SLC15A5: variants seen among roughly 807,000 people sequenced by gnomAD.
SLC15A5 encodes the protein Peptide/histidine transporter ENSP00000340402.
Under a neutral mutation model 56.1 loss-of-function variants are expected in SLC15A5, and 58 were observed. The observed-to-expected ratio is 1.03, with a 90% confidence interval of 0.84 to 1.29. SLC15A5 has a LOEUF of 1.29. Among genes scored for constraint, SLC15A5 ranks in the 50% most tolerant of loss-of-function variants. The probability of loss-of-function intolerance (pLI) is 0.00; values close to 1 mark genes in which losing one functional copy is unlikely to be tolerated. For missense variants in SLC15A5, 681 were observed against 672.1 expected (o/e 1.01, Z -0.15); for synonymous variants, 264 against 250.5 (o/e 1.05, Z -0.51).
chr12:16,239,527 C>A (rs896716296), intron 5 of SLC15A5, among the ~76,000 whole-genome samples, 154 bp downstream of exon 5: 2 of 152,124 alleles, frequency 1.3e-5, no homozygotes, highest in African/African-American at 4.8e-5. Context: ...CTAGAGATTT[C>A]GGAAGATGGG....
chr12:16,256,617 T>C (rs966726264), intron 3 of SLC15A5, among the ~76,000 whole-genome samples: 1 of 152,056 alleles, frequency 6.6e-6, no homozygotes, highest in African/African-American at 2.4e-5. Context: ...CCCAGCACTT[T>C]GGGAGGCTGA....
chr12:16,212,208 C>T (rs774951959), intron 7 of SLC15A5, among the ~76,000 whole-genome samples: 6 of 152,066 alleles, frequency 3.9e-5, no homozygotes, highest in Admixed American at 1.3e-4. Flanking sequence ...ACCATTATAA[C>T]GTATGACAAT....
chr12:16,250,400 T>C (rs1411733216), intron 3 of SLC15A5, among the ~76,000 whole-genome samples: 2 of 152,046 alleles, frequency 1.3e-5, no homozygotes, highest in African/African-American at 2.4e-5. Context: ...TGTAGGTATA[T>C]GATAAAAATA....
At chr12:16,195,210 TCTCTGCCTCTGTCTCTGTCCCTGC>T (rs1863882051) in intron 7 of SLC15A5, among the ~76,000 whole-genome samples, 1 of 152,052 alleles carries the variant, frequency 6.6e-6, no homozygotes, top group Non-Finnish European at 1.5e-5. Context: ...TCTATCTCTG[TCTCTGCCTCTGTCTCTGTCCCTGC>T]CTCTGCCTCT....
chr12:16,225,687 G>A (rs1441256476), intron 5 of SLC15A5, among the ~76,000 whole-genome samples: 1 of 152,106 alleles, frequency 6.6e-6, no homozygotes, highest in Non-Finnish European at 1.5e-5. Flanking sequence ...GCAGCCAACA[G>A]ACACATGAAA....
chr12:16,250,500 GA>G (rs1864509222), intron 3 of SLC15A5, among the ~76,000 whole-genome samples: 1 of 151,914 alleles, frequency 6.6e-6, no homozygotes, highest in Non-Finnish European at 1.5e-5. Context: ...AGCAGGAAAA[GA>G]AAAATATGTT....
At chr12:16,257,642 G>T in intron 3 of SLC15A5, 59 bp downstream of exon 3, 2 of 1,237,878 alleles carry the variant, frequency 1.6e-6, no homozygotes, top group Non-Finnish European at 1.0e-6. Context: ...AAAGAGAAAG[G>T]ATATCTGTCA....
At chr12:16,276,001 C>T (rs1425109371) in intron 1 of SLC15A5, among the ~76,000 whole-genome samples, 3 of 151,962 alleles carry the variant, frequency 2.0e-5, no homozygotes, top group Non-Finnish European at 4.4e-5. Flanking sequence ...TGCCACATGA[C>T]ATCATATCTA....
chr12:16,236,819 C>T (rs1864356415), intron 5 of SLC15A5, among the ~76,000 whole-genome samples: 2 of 152,160 alleles, frequency 1.3e-5, no homozygotes, highest in African/African-American at 4.8e-5. Context: ...TTTCATGGCA[C>T]TAACTGGAAA....
At position 16,272,799 on chromosome 12, in the gene SLC15A5, A is replaced by G. The variant is rs1591663774; in HGVS notation, c.362-16T>C. 3 of 1,530,958 alleles carry G rather than the reference A, an allele frequency of 2.0e-6. No individual in the cohort carries two copies. The highest frequency in any genetic ancestry group is 1.8e-6 in the Non-Finnish European group (2 of 1,141,364). 94.8% of individuals were successfully genotyped at this position (1,530,958 alleles called of 1,614,324 possible). On this transcript the variant is annotated splice_polypyrimidine_tract_variant and intron_variant, in intron 1 of 8. Coordinates refer to ENST00000344941, the MANE Select transcript of SLC15A5 (RefSeq NM_001170798.1). ...AAAGCAGTGCCTGTAGGTGGAGAAA[A>G]AAAAAGAGTAAATGTAGCATAGAAC...
intron 5 of SLC15A5, among the ~76,000 whole-genome samples, chr12:16,238,648 T>A (rs373374130): frequency 0.011 from 998 of 93,508 alleles, 3 homozygotes; most frequent in Middle Eastern, 0.017. Context: ...AAAAAAAAAA[T>A]AAGAACAGGT....
Position 16,216,878 on chromosome 12 carries a change from C to T in SLC15A5, c.1483+15G>A, listed in dbSNP as rs1205220196. The T allele has an allele frequency of 7.2e-6, 11 of 1,532,394 alleles. No individual in the cohort carries two copies. Among genetic ancestry groups the T allele is most frequent in the South Asian group, 2.4e-5 (2 of 83,052 alleles). The allele number at this position is 1,532,394 out of a possible 1,614,324, so 94.9% of individuals were successfully genotyped here. On this transcript the variant is annotated intron_variant, in intron 7 of 8. Coordinates refer to ENST00000344941, the MANE Select transcript of SLC15A5 (RefSeq NM_001170798.1). ...CAACTCAATGTATATAAGCATGCCA[C>T]GAACCTATTTTTACCATCTGAGATG...
chr12:16,271,822 T>A lies in SLC15A5; in HGVS notation c.584+739A>T, dbSNP rs1242408695. On this transcript the variant is annotated intron_variant, in intron 2 of 8. Coordinates refer to ENST00000344941, the MANE Select transcript of SLC15A5 (RefSeq NM_001170798.1). The surrounding 1 kb of genome is among the most constrained non-coding windows in gnomAD (Gnocchi z 8.0). ...TTTGTATTTGGTAATATAAATTGTT[T>A]CCTTAAAAAACACAAAAACCGACGA... Among the ~76,000 whole-genome samples the A allele has an allele frequency of 6.6e-6, 1 of 152,124 alleles. No homozygotes were observed. The highest frequency in any genetic ancestry group is 1.5e-5 in the Non-Finnish European group (1 of 68,004).
intron 2 of SLC15A5, among the ~76,000 whole-genome samples, chr12:16,264,216 G>T (rs2136815497): frequency 1.3e-5 from 2 of 152,314 alleles, no homozygotes; most frequent in East Asian, 3.9e-4. Flanking sequence ...CCCACCTCTT[G>T]CATTAGCATG....
At chr12:16,225,732 A>G (rs551937910) in intron 5 of SLC15A5, among the ~76,000 whole-genome samples, 182 of 152,354 alleles carry the variant, frequency 1.2e-3, no homozygotes, top group Non-Finnish European at 2.3e-3. Flanking sequence ...AGAGAAATGC[A>G]AATCAAAACC....
At chr12:16,222,622 G>A (rs1037882187) in intron 6 of SLC15A5, among the ~76,000 whole-genome samples, 3 of 152,190 alleles carry the variant, frequency 2.0e-5, no homozygotes, top group African/African-American at 4.8e-5. Context: ...GATGAGTCAA[G>A]TGACTTAGAC....
chr12:16,242,458 A>G (rs1475922474), intron 4 of SLC15A5, among the ~76,000 whole-genome samples: 1 of 151,982 alleles, frequency 6.6e-6, no homozygotes, highest in Non-Finnish European at 1.5e-5. Flanking sequence ...TCTGCCACAC[A>G]TTAGCAAGGT....
chr12:16,259,801 G>A (rs1274633284), intron 2 of SLC15A5, among the ~76,000 whole-genome samples: 6 of 151,900 alleles, frequency 3.9e-5, no homozygotes, highest in African/African-American at 9.7e-5. Context: ...TGAAGACATG[G>A]AATATTATTG....
At position 16,204,869 on chromosome 12, in the gene SLC15A5, A is replaced by G. The variant is rs117776916; in HGVS notation, c.1484-10416T>C. Among the ~76,000 whole-genome samples, 226 of 152,264 alleles carry G rather than the reference A, an allele frequency of 1.5e-3. 6 individuals carry two copies. In the East Asian group the frequency reaches 0.027, roughly 18 times the overall value. ...CCACATGAATAGTAAAATTAGTCCA[A>G]AATGGGAAACCATTAAAATTATACA... On this transcript the variant is annotated intron_variant, in intron 7 of 8. Coordinates refer to ENST00000344941, the MANE Select transcript of SLC15A5 (RefSeq NM_001170798.1).
Sources: gnomAD v4.1 joint callset for allele counts (sites outside exome capture counted in the v4.1 genomes callset) on GRCh38, gnomAD v4.1.1 for gene constraint, Gnocchi (gnomAD v3.1) non-coding constraint, MANE v1.5 for transcripts, NCBI Gene and HGNC (gene_info 2026-07-23, HGNC 2026-07-21) for gene names.